Variants in EYA2 observed in about 807,000 individuals in gnomAD.
The protein encoded by EYA2 is EYA transcriptional coactivator and phosphatase 2.
Under a neutral mutation model 69.2 loss-of-function variants are expected in EYA2, and 31 were observed. That is an observed-to-expected ratio of 0.45 (90% CI 0.34 to 0.60). The LOEUF (loss-of-function observed/expected upper bound fraction) is 0.60, where lower values mean the gene tolerates loss of function less well. EYA2 is among the 20% of genes least tolerant of loss of function. EYA2 has a pLI of 0.02. For missense variants in EYA2, 622 were observed against 701.2 expected, an observed-to-expected ratio of 0.89 and a Z score of 1.28; for synonymous variants, 257 against 279.4, an observed-to-expected ratio of 0.92 and a Z score of 0.80.
intron 1 of EYA2, among the ~76,000 whole-genome samples, chr20:46,912,050 A>G (rs1984669093): frequency 1.3e-5 from 2 of 152,212 alleles, no homozygotes; most frequent in Non-Finnish European, 2.9e-5. Flanking sequence ...GACCCCCCAT[A>G]AATACATACA....
At chr20:47,094,119 A>G (rs942379289) in intron 8 of EYA2, among the ~76,000 whole-genome samples, 1 of 152,256 alleles carries the variant, frequency 6.6e-6, no homozygotes, top group African/African-American at 2.4e-5. Flanking sequence ...CTTACCCACT[A>G]AGAATCGAGG....
At chr20:47,178,825 GTGGATGGATGGATATTGGGTGGA>G in intron 12 of EYA2, among the ~76,000 whole-genome samples, 1 of 145,460 alleles carries the variant, frequency 6.9e-6, no homozygotes, top group Non-Finnish European at 1.5e-5. Flanking sequence ...GGGTGGGTGG[GTGGATGGATGGATATTGGGTGGA>G]TGGATGGGTA....
At chr20:46,978,368 A>G (rs1313302289) in intron 1 of EYA2, 2 of 346,596 alleles carry the variant, frequency 5.8e-6, no homozygotes, top group East Asian at 1.5e-4. Context: ...TGAAAGCTGC[A>G]GGAGGGAAAT....
At chr20:47,108,903 A>G (rs2032670500) in intron 9 of EYA2, among the ~76,000 whole-genome samples, 1 of 151,654 alleles carries the variant, frequency 6.6e-6, no homozygotes, top group Admixed American at 6.6e-5. Context: ...GGGAGAGGAG[A>G]GTAGAAAGTG....
At chr20:47,058,104 T>G (rs1306527095) in intron 5 of EYA2, among the ~76,000 whole-genome samples, 1 of 91,232 alleles carries the variant, frequency 1.1e-5, no homozygotes, top group Non-Finnish European at 2.1e-5. Context: ...TAATACCGGG[T>G]TTGGCCCAGG....
chr20:46,937,887 C>T (rs2146259097), intron 1 of EYA2, among the ~76,000 whole-genome samples: 1 of 152,210 alleles, frequency 6.6e-6, no homozygotes, highest in African/African-American at 2.4e-5. Flanking sequence ...GTGCCAGGCT[C>T]AGGGGTTTCA....
chr20:47,179,019 G>C (rs1308950524), intron 12 of EYA2, among the ~76,000 whole-genome samples: 1 of 152,140 alleles, frequency 6.6e-6, no homozygotes, highest in East Asian at 1.9e-4. Context: ...AATAAATCAT[G>C]TTAAAAGCAG....
intron 1 of EYA2, among the ~76,000 whole-genome samples, chr20:46,971,109 G>GCACACA: frequency 7.6e-6 from 1 of 131,302 alleles, no homozygotes; most frequent in Non-Finnish European, 1.7e-5. Flanking sequence ...ACACACACAT[G>GCACACA]CACACACACG....
At chr20:47,068,909 T>C (rs2031211307) in intron 5 of EYA2, among the ~76,000 whole-genome samples, 2 of 152,196 alleles carry the variant, frequency 1.3e-5, no homozygotes, top group African/African-American at 2.4e-5. Flanking sequence ...CAGCAACTAG[T>C]GTGAATGTTT....
chr20:47,147,744 G>T (rs1468714682), intron 10 of EYA2, among the ~76,000 whole-genome samples: 1 of 152,174 alleles, frequency 6.6e-6, no homozygotes, highest in African/African-American at 2.4e-5. Context: ...CCAGGGGAAA[G>T]AATCTGTGGG....
At chr20:47,040,812 TC>T (rs1440468894) in intron 5 of EYA2, among the ~76,000 whole-genome samples, 1 of 151,750 alleles carries the variant, frequency 6.6e-6, no homozygotes, top group Non-Finnish European at 1.5e-5. Context: ...TCTTGAACTG[TC>T]CCTAGAAATG....
At chr20:46,987,992 A>ATG (rs1187663803) in intron 1 of EYA2, among the ~76,000 whole-genome samples, 10 of 80,126 alleles carry the variant, frequency 1.2e-4, no homozygotes, top group African/African-American at 5.0e-4. Flanking sequence ...ATATATATAT[A>ATG]TATATGGGGC....
intron 5 of EYA2, chr20:47,071,882 G>C (rs2031325265): frequency 1.1e-5 from 4 of 353,682 alleles, no homozygotes. Context: ...CCGGACAGAG[G>C]AAGATCCAGA....
intron 5 of EYA2, among the ~76,000 whole-genome samples, chr20:47,028,840 G>A (rs1437988263): frequency 2.0e-5 from 3 of 152,170 alleles, no homozygotes; most frequent in Admixed American, 6.5e-5. Context: ...GGGTGGCCCT[G>A]TGGCAAACTA....
intron 9 of EYA2, among the ~76,000 whole-genome samples, chr20:47,140,537 C>G (rs2033572190): frequency 1.3e-5 from 2 of 152,002 alleles, no homozygotes; most frequent in African/African-American, 4.8e-5. Flanking sequence ...AGGAAAAGGA[C>G]TGTATGGAGC....
chr20:47,182,798 G>A (rs2034563592), intron 14 of EYA2, among the ~76,000 whole-genome samples: 1 of 151,754 alleles, frequency 6.6e-6, no homozygotes, highest in Non-Finnish European at 1.5e-5. Context: ...TTAGCCAGGT[G>A]TGGTGATGCG....
chr20:47,115,303 A>T (rs6124945), intron 9 of EYA2, among the ~76,000 whole-genome samples: 58,436 of 152,064 alleles, frequency 0.38, 13,831 homozygotes, highest in East Asian at 0.53. Flanking sequence ...TGCCGTCTTC[A>T]GCCGTCTTCC....
intron 1 of EYA2, among the ~76,000 whole-genome samples, chr20:46,949,826 G>A (rs1344295188): frequency 6.6e-6 from 1 of 152,256 alleles, no homozygotes; most frequent in Non-Finnish European, 1.5e-5. Flanking sequence ...TGCTTTGGTT[G>A]CAACCCTTGG....
rs528204837 is a variant in EYA2 at position 47,112,200 on chromosome 20, T to G, written c.888+15032T>G. Among the ~76,000 whole-genome samples, 8 of 152,200 alleles carry G rather than the reference T, an allele frequency of 5.3e-5. No individual in the cohort carries two copies. In the South Asian group the frequency reaches 1.7e-3, roughly 32 times the overall value. ...GAAAAGAGAATGAGAAGGATACATA[T>G]GTGCGGTAAAGGTAGCAAGAAGAAA... is the stretch of plus-strand genomic sequence containing the variant. On this transcript the variant is annotated intron_variant, in intron 9 of 15. Transcript: ENST00000327619.
Sources: allele counts gnomAD v4.1 joint callset (sites outside exome capture counted in the v4.1 genomes callset), GRCh38; gene constraint gnomAD v4.1.1; transcripts MANE v1.5; gene names NCBI Gene and HGNC (gene_info 2026-07-23, HGNC 2026-07-21).